CNTNAP2: variants seen among roughly 807,000 people sequenced by gnomAD.
CNTNAP2 encodes the protein contactin associated protein 2.
A neutral mutation model predicts 155.2 loss-of-function variants in CNTNAP2; 98 were observed. That is an observed-to-expected ratio of 0.63 (90% CI 0.54 to 0.75). The LOEUF (loss-of-function observed/expected upper bound fraction) is 0.75, where lower values mean the gene tolerates loss of function less well. CNTNAP2 is among the 30% of genes least tolerant of loss of function. The pLI is 0.00. For missense variants in CNTNAP2, 1,727 were observed against 1,688.1 expected, an observed-to-expected ratio of 1.02 and a Z score of -0.40; for synonymous variants, 651 against 631.2, an observed-to-expected ratio of 1.03 and a Z score of -0.47.
chr7:146,959,429 A>G (rs1333533505), intron 3 of CNTNAP2, among the ~76,000 whole-genome samples: 1 of 152,102 alleles, frequency 6.6e-6, no homozygotes, highest in Admixed American at 6.6e-5. Flanking sequence ...TTTTTTAAAA[A>G]AGAAAGAAGC....
At chr7:146,555,159 C>T (rs572503676) in intron 1 of CNTNAP2, among the ~76,000 whole-genome samples, 84 of 152,212 alleles carry the variant, frequency 5.5e-4, no homozygotes, top group Non-Finnish European at 1.1e-3. Context: ...TCCCTCTTTC[C>T]CATTTTCTTT....
At chr7:146,450,267 T>C (rs1048288195) in intron 1 of CNTNAP2, among the ~76,000 whole-genome samples, 1 of 152,222 alleles carries the variant, frequency 6.6e-6, no homozygotes, top group African/African-American at 2.4e-5. Flanking sequence ...TTATATCTTA[T>C]AGCAGTTTCA....
intron 8 of CNTNAP2, among the ~76,000 whole-genome samples, chr7:147,297,929 ATATAC>A (rs1219687712): frequency 6.6e-6 from 1 of 152,204 alleles, no homozygotes; most frequent in Non-Finnish European, 1.5e-5. Context: ...CCTTTTGGGT[ATATAC>A]GTAGTAGTTG....
intron 16 of CNTNAP2, among the ~76,000 whole-genome samples, chr7:148,146,494 A>G (rs894249490): frequency 7.2e-5 from 11 of 152,250 alleles, no homozygotes; most frequent in Non-Finnish European, 1.2e-4. Context: ...GCAACCACCC[A>G]ATCCATTTGC....
intron 15 of CNTNAP2, among the ~76,000 whole-genome samples, chr7:147,984,965 ATC>A (rs1214798239): frequency 3.3e-5 from 5 of 151,954 alleles, no homozygotes; most frequent in African/African-American, 1.2e-4. Context: ...AAACACAAAA[ATC>A]AGCTGCGCAT....
At chr7:147,568,473 T>G (rs1394726061) in intron 12 of CNTNAP2, among the ~76,000 whole-genome samples, 1 of 152,154 alleles carries the variant, frequency 6.6e-6, no homozygotes, top group Non-Finnish European at 1.5e-5. Context: ...TTGATGACAT[T>G]GAGGAGAGAA....
intron 8 of CNTNAP2, among the ~76,000 whole-genome samples, chr7:147,204,232 TAGTA>T (rs1213784076): frequency 9.2e-5 from 14 of 152,042 alleles, no homozygotes; most frequent in African/African-American, 2.4e-4. Flanking sequence ...ATAAATGTAA[TAGTA>T]AGGAATTGAA....
intron 13 of CNTNAP2, among the ~76,000 whole-genome samples, chr7:147,878,197 T>G (rs566684843): frequency 6.6e-6 from 1 of 152,224 alleles, no homozygotes; most frequent in East Asian, 1.9e-4. Context: ...TATTCTATTT[T>G]ATTACTCATT....
intron 13 of CNTNAP2, among the ~76,000 whole-genome samples, chr7:147,670,600 G>C (rs1334756267): frequency 1.3e-5 from 2 of 152,220 alleles, no homozygotes; most frequent in African/African-American, 4.8e-5. Flanking sequence ...TTCAGAGGGA[G>C]AGCTTGACAG....
intron 8 of CNTNAP2, among the ~76,000 whole-genome samples, chr7:147,157,622 T>C (rs1801951945): frequency 6.6e-6 from 1 of 152,138 alleles, no homozygotes; most frequent in South Asian, 2.1e-4. Context: ...TATTTTTCTG[T>C]GTTTCCTTTT....
intron 13 of CNTNAP2, among the ~76,000 whole-genome samples, chr7:147,789,066 G>A (rs1797781208): frequency 6.6e-6 from 1 of 151,394 alleles, no homozygotes; most frequent in South Asian, 2.1e-4. Context: ...CACCATGCCT[G>A]GCTAATTTTT....
chr7:147,734,036 G>A (rs1160939209), intron 13 of CNTNAP2, among the ~76,000 whole-genome samples: 2 of 152,184 alleles, frequency 1.3e-5, no homozygotes, highest in Non-Finnish European at 2.9e-5. Flanking sequence ...GCCCTGGCCA[G>A]AACTTCCAAC....
chr7:147,243,229 C>T (rs1357964242), intron 8 of CNTNAP2, among the ~76,000 whole-genome samples: 2 of 151,970 alleles, frequency 1.3e-5, no homozygotes, highest in Admixed American at 6.6e-5. Context: ...ATCTCCTGAC[C>T]TCATGATCCA....
At chr7:147,179,905 G>A (rs1802420523) in intron 8 of CNTNAP2, among the ~76,000 whole-genome samples, 1 of 152,184 alleles carries the variant, frequency 6.6e-6, no homozygotes, top group Non-Finnish European at 1.5e-5. Context: ...GAAGATGCAA[G>A]ATGTGCCCCT....
chr7:146,634,142 G>A (rs1231558374), intron 1 of CNTNAP2, among the ~76,000 whole-genome samples: 1 of 152,102 alleles, frequency 6.6e-6, no homozygotes, highest in Non-Finnish European at 1.5e-5. Context: ...GTACACATTT[G>A]CCAATTATGT....
chr7:148,325,962 C>T (rs781545726), intron 21 of CNTNAP2, among the ~76,000 whole-genome samples: 3 of 152,084 alleles, frequency 2.0e-5, no homozygotes, highest in Non-Finnish European at 4.4e-5. Context: ...TGAGCATGCC[C>T]CAGGTGAAAT....
At chr7:146,948,408 T>C in intron 3 of CNTNAP2, among the ~76,000 whole-genome samples, 1 of 152,204 alleles carries the variant, frequency 6.6e-6, no homozygotes, top group East Asian at 1.9e-4. Flanking sequence ...AAATAATTTC[T>C]GTTAATTTTA....
At chr7:146,928,453 C>A (rs1367333791) in intron 3 of CNTNAP2, among the ~76,000 whole-genome samples, 2 of 152,102 alleles carry the variant, frequency 1.3e-5, no homozygotes, top group Non-Finnish European at 2.9e-5. Flanking sequence ...TCGGGACTCG[C>A]AGCCAAGATG....
At chr7:147,251,700 C>T (rs6967945) in intron 8 of CNTNAP2, among the ~76,000 whole-genome samples, 2,882 of 152,280 alleles carry the variant, frequency 0.019, 89 homozygotes, top group African/African-American at 0.066. Flanking sequence ...CCTATTACTT[C>T]GCCTAGAGCC....
Sources: allele counts gnomAD v4.1 joint callset (sites outside exome capture counted in the v4.1 genomes callset), GRCh38; gene constraint gnomAD v4.1.1; transcripts MANE v1.5; gene names NCBI Gene and HGNC (gene_info 2026-07-23, HGNC 2026-07-21).